The following CAPN14 variants were observed in gnomAD, a reference collection of about 807,000 sequenced individuals.
The protein encoded by CAPN14 is calpain 14.
CAPN14 carries 94 observed loss-of-function variants against 101.3 expected under a neutral mutation model. That is an observed-to-expected ratio of 0.93 (90% confidence interval 0.79 to 1.10). The LOEUF (loss-of-function observed/expected upper bound fraction) is 1.10, where lower values mean the gene tolerates loss of function less well. Among genes scored for constraint, CAPN14 ranks in the 50% least tolerant of loss-of-function variants. CAPN14 has a pLI of 0.00. For synonymous variants in CAPN14, 338 were observed against 317.9 expected, an observed-to-expected ratio of 1.06 and a Z score of -0.67; for missense variants, 837 against 828.4, an observed-to-expected ratio of 1.01 and a Z score of -0.13.
chr2:31,224,452 G>T (rs1682961033), intron 2 of CAPN14, among the ~76,000 whole-genome samples: 1 of 152,138 alleles, frequency 6.6e-6, no homozygotes. Context: ...TGAAGAAGTT[G>T]AGGTGGGGAG....
intron 1 of CAPN14, among the ~76,000 whole-genome samples, chr2:31,232,295 T>C (rs1005485572): frequency 4.6e-5 from 7 of 152,154 alleles, no homozygotes; most frequent in Admixed American, 1.3e-4. Flanking sequence ...CACCCTTATG[T>C]CCTCTTTTTT....
At chr2:31,186,331 T>C in intron 16 of CAPN14, 97 bp downstream of exon 16, 1 of 794,844 alleles carries the variant, frequency 1.3e-6, no homozygotes, top group Non-Finnish European at 2.0e-6. Context: ...CAGTGCTCAG[T>C]AATTCACACA....
intron 2 of CAPN14, among the ~76,000 whole-genome samples, chr2:31,204,646 A>T (rs1002554373): frequency 6.6e-6 from 1 of 152,194 alleles, no homozygotes; most frequent in Non-Finnish European, 1.5e-5. Context: ...ATATCTGAAC[A>T]CACGGAGGTC....
At chr2:31,176,457 A>C (rs1187585637) in intron 21 of CAPN14, 130 bp downstream of exon 21, 1 of 681,490 alleles carries the variant, frequency 1.5e-6, no homozygotes, top group East Asian at 2.7e-5. Flanking sequence ...AGTGCAATGA[A>C]TGTAGTGCTC....
intron 1 of CAPN14, among the ~76,000 whole-genome samples, chr2:31,214,798 C>T (rs1459435142): frequency 6.6e-6 from 1 of 152,234 alleles, no homozygotes; most frequent in African/African-American, 2.4e-5. Context: ...AGCAAAGGAA[C>T]ATCCGCTCGG....
At chr2:31,225,309 G>C (rs910608056) in intron 2 of CAPN14, among the ~76,000 whole-genome samples, 17 of 151,770 alleles carry the variant, frequency 1.1e-4, no homozygotes, top group Non-Finnish European at 2.1e-4. Flanking sequence ...TTAAATGAGA[G>C]ATAACTACAT....
intron 5 of CAPN14, 106 bp from the exon 6 acceptor site, chr2:31,200,731 C>G (rs1479369501): frequency 8.9e-7 from 1 of 1,122,494 alleles, no homozygotes; most frequent in Middle Eastern, 2.8e-4. Context: ...TTTTCTCATA[C>G]CAAAAGCAGA....
chr2:31,186,221 A>G (rs561346007), intron 16 of CAPN14, among the ~76,000 whole-genome samples: 1 of 152,370 alleles, frequency 6.6e-6, no homozygotes, highest in African/African-American at 2.4e-5. Flanking sequence ...ACCCAAAGTA[A>G]GCAAAATAAT....
chr2:31,186,801 A>G (rs1445540762), intron 15 of CAPN14, among the ~76,000 whole-genome samples: 1 of 152,234 alleles, frequency 6.6e-6, no homozygotes, highest in East Asian at 1.9e-4. Flanking sequence ...TTATATGAAC[A>G]TTTGATTTTA....
At chr2:31,226,582 A>AC (rs1263769868) in exon 2 of CAPN14, 3 of 152,172 alleles carry the variant, frequency 2.0e-5, no homozygotes, top group East Asian at 3.9e-4. Flanking sequence ...TTCAGCATGG[A>AC]TTTTTCTGCT....
At chr2:31,204,628 A>G (rs578047067) in intron 2 of CAPN14, among the ~76,000 whole-genome samples, 13 of 152,210 alleles carry the variant, frequency 8.5e-5, no homozygotes, top group African/African-American at 3.1e-4. Flanking sequence ...GGGTGTAAGG[A>G]GCTCTGAATA....
chr2:31,187,974 T>C (rs1558616892), intron 14 of CAPN14, among the ~76,000 whole-genome samples, 160 bp from the exon 15 acceptor site: 1 of 152,234 alleles, frequency 6.6e-6, no homozygotes, highest in Non-Finnish European at 1.5e-5. Context: ...CAGCCCTTGC[T>C]TCTCCAATTT....
At chr2:31,181,479 T>TTC (rs371156919) in intron 16 of CAPN14, among the ~76,000 whole-genome samples, 2 of 137,428 alleles carry the variant, frequency 1.5e-5, no homozygotes, top group African/African-American at 2.8e-5. Flanking sequence ...TTTCTTTTCT[T>TTC]TCTCTCTCTC....
chr2:31,174,750 C>T (rs758171099), intron 21 of CAPN14, 43 bp from the exon 22 acceptor site: 64 of 1,548,554 alleles, frequency 4.1e-5, no homozygotes, highest in Non-Finnish European at 5.2e-5. Flanking sequence ...TTCAGACCCA[C>T]GTCTCATCTG....
intron 14 of CAPN14, 50 bp from the exon 15 acceptor site, chr2:31,187,864 G>T: frequency 1.4e-6 from 2 of 1,414,880 alleles, no homozygotes; most frequent in Non-Finnish European, 2.0e-6. Flanking sequence ...TGTATAAACG[G>T]ACTTTCGTGC....
chr2:31,202,354 A>C, intron 3 of CAPN14, 102 bp from the exon 4 acceptor site: 2 of 813,864 alleles, frequency 2.5e-6, no homozygotes, highest in Non-Finnish European at 4.0e-6. Context: ...CTTGTAGCCC[A>C]GTTTAGGAGA....
intron 2 of CAPN14, among the ~76,000 whole-genome samples, chr2:31,223,780 G>T (rs1356538397): frequency 6.6e-6 from 1 of 151,952 alleles, no homozygotes; most frequent in African/African-American, 2.4e-5. Flanking sequence ...CACCTGCCTT[G>T]GCCACCCAAA....
chr2:31,231,741 A>C (rs1477379980), intron 1 of CAPN14, among the ~76,000 whole-genome samples: 1 of 152,058 alleles, frequency 6.6e-6, no homozygotes, highest in African/African-American at 2.4e-5. Flanking sequence ...CTTTCCTGTC[A>C]CGCTGGCCAT....
intron 1 of CAPN14, among the ~76,000 whole-genome samples, chr2:31,212,345 G>A (rs893082115): frequency 6.6e-6 from 1 of 151,276 alleles, no homozygotes; most frequent in African/African-American, 2.4e-5. Context: ...AACACAATGT[G>A]GTACATGTTT....
Sources: gnomAD v4.1 joint callset for allele counts (sites outside exome capture counted in the v4.1 genomes callset) on GRCh38, gnomAD v4.1.1 for gene constraint, MANE v1.5 for transcripts, NCBI Gene and HGNC (gene_info 2026-07-23, HGNC 2026-07-21) for gene names.